Variants in ATG10 observed in about 807,000 individuals in gnomAD.
ATG10 encodes ubiquitin-like-conjugating enzyme ATG10.
ATG10 carries 30 observed loss-of-function variants against 32.1 expected under a neutral mutation model. The ratio of observed to expected loss-of-function variants is 0.94; its 90% CI spans 0.70 to 1.27. The LOEUF (loss-of-function observed/expected upper bound fraction) is 1.27. ATG10 is among the 50% of genes most tolerant of loss of function. The pLI, the probability that ATG10 is intolerant of heterozygous loss-of-function variation, is 0.00. For missense variants in ATG10, 233 were observed against 262.3 expected, an observed-to-expected ratio of 0.89 and a Z score of 0.77; for synonymous variants, 87 against 91.5, an observed-to-expected ratio of 0.95 and a Z score of 0.28.
intron 3 of ATG10, among the ~76,000 whole-genome samples, chr5:82,122,204 G>A (rs1388052116): frequency 6.6e-6 from 1 of 151,854 alleles, no homozygotes; most frequent in Non-Finnish European, 1.5e-5. Flanking sequence ...ATTTCTTCCT[G>A]CGTCAGTGTT....
intron 5 of ATG10, among the ~76,000 whole-genome samples, chr5:82,224,238 C>G (rs556136705): frequency 6.6e-6 from 1 of 152,102 alleles, no homozygotes; most frequent in South Asian, 2.1e-4. Flanking sequence ...GTAGTTTGTG[C>G]CAGCCTGCAG....
intron 1 of ATG10, among the ~76,000 whole-genome samples, chr5:81,983,042 A>C (rs1169517302): frequency 1.3e-5 from 2 of 152,082 alleles, no homozygotes; most frequent in African/African-American, 4.8e-5. Flanking sequence ...CATTGTCATC[A>C]TGGCCCATTC....
chr5:81,996,209 A>G (rs534960866), intron 2 of ATG10, among the ~76,000 whole-genome samples: 18 of 152,104 alleles, frequency 1.2e-4, no homozygotes, highest in African/African-American at 3.9e-4. Flanking sequence ...TTTAGTTCTC[A>G]GTTTCTTTGT....
At chr5:82,032,603 A>T (rs1425652806) in intron 2 of ATG10, among the ~76,000 whole-genome samples, 2 of 152,052 alleles carry the variant, frequency 1.3e-5, no homozygotes, top group African/African-American at 2.4e-5. Context: ...AGAAATATAT[A>T]TGATAAACTG....
chr5:82,012,744 C>T (rs1043840155), intron 2 of ATG10, among the ~76,000 whole-genome samples: 1 of 152,108 alleles, frequency 6.6e-6, no homozygotes, highest in Non-Finnish European at 1.5e-5. Context: ...CAACCTCCAC[C>T]TCCGAGGTTA....
chr5:82,052,353 G>A (rs761260991), intron 2 of ATG10, among the ~76,000 whole-genome samples: 1 of 152,044 alleles, frequency 6.6e-6, no homozygotes, highest in Non-Finnish European at 1.5e-5. Flanking sequence ...AGACCCAAAC[G>A]TGTTCTATCA....
At chr5:82,033,402 A>G (rs1020860646) in intron 2 of ATG10, among the ~76,000 whole-genome samples, 2 of 149,218 alleles carry the variant, frequency 1.3e-5, no homozygotes, top group Non-Finnish European at 3.0e-5. Context: ...CAGTGGCACG[A>G]TCTCGGTTCA....
chr5:81,987,607 C>T lies in ATG10; in HGVS notation c.37C>T (p.Gln13Ter), dbSNP rs909484260. The T allele has an allele frequency of 4.3e-6, 7 of 1,611,940 alleles. No individual in the cohort carries two copies. Among genetic ancestry groups the T allele is most frequent in the Non-Finnish European group, 5.9e-6 (7 of 1,179,230 alleles). The part of the protein sequence containing the change: ...EDEFIGEKTF[Q>*]RYCAEFIKHS... ...TGAGTTCATTGGAGAAAAAACATTC[C>T]AACGTTATTGTGCAGAATTCATTAA... is the stretch of plus-strand genomic sequence containing the variant. The change falls in exon 2 of 8, where the codon CAA becomes TAA. Residue 13 changes from glutamine to a stop codon, truncating the protein, a stop_gained. Transcript: ENST00000282185. LOFTEE classifies it high-confidence loss of function.
At chr5:82,197,463 CCT>C in intron 5 of ATG10, among the ~76,000 whole-genome samples, 1 of 21,496 alleles carries the variant, frequency 4.7e-5, no homozygotes, top group African/African-American at 4.0e-4. Context: ...TGTCTATCTA[CCT>C]ACCTACCTAC....
At chr5:82,016,023 TC>T (rs1327200866) in intron 2 of ATG10, among the ~76,000 whole-genome samples, 1 of 152,222 alleles carries the variant, frequency 6.6e-6, no homozygotes, top group Non-Finnish European at 1.5e-5. Context: ...GAAGATTTTC[TC>T]CCAGTCTGTG....
intron 5 of ATG10, among the ~76,000 whole-genome samples, chr5:82,194,479 G>A (rs940000105): frequency 2.0e-5 from 3 of 152,096 alleles, no homozygotes; most frequent in African/African-American, 7.2e-5. Flanking sequence ...TAAATATTCC[G>A]GATTCAACAG....
At position 82,098,570 on chromosome 5, in the gene ATG10, A is replaced by G. The variant is rs1312569785; in HGVS notation, c.216+39968A>G. ...GTGATTCACCCGCCTCGGGCCTCCC[A>G]AAGTGCTGGGATTACAGGCGTGAGC... On this transcript the variant is annotated intron_variant, in intron 3 of 7. Transcript: ENST00000282185. 3.3e-5 allele frequency among the ~76,000 whole-genome samples: 5 copies of G among 152,238 alleles called. No individual in the cohort carries two copies. The East Asian group carries it at 5.8e-4, about 18-fold the overall frequency.
intron 5 of ATG10, among the ~76,000 whole-genome samples, chr5:82,237,400 T>G (rs1746606103): frequency 6.6e-6 from 1 of 152,094 alleles, no homozygotes; most frequent in Non-Finnish European, 1.5e-5. Context: ...TCTCAGCACT[T>G]TGGGAGGCCA....
chr5:82,200,864 A>ACTAT (rs1554056993), intron 5 of ATG10, among the ~76,000 whole-genome samples: 2 of 143,154 alleles, frequency 1.4e-5, no homozygotes, highest in Non-Finnish European at 3.0e-5. Flanking sequence ...TTAAAAATAC[A>ACTAT]TTATTTATTT....
intron 3 of ATG10, among the ~76,000 whole-genome samples, chr5:82,154,890 A>G (rs922486787): frequency 6.6e-6 from 1 of 152,222 alleles, no homozygotes; most frequent in Admixed American, 6.5e-5. Flanking sequence ...GAGCAAGGGA[A>G]GGAACTCATG....
At chr5:82,053,342 G>A (rs1763486575) in intron 2 of ATG10, among the ~76,000 whole-genome samples, 1 of 151,904 alleles carries the variant, frequency 6.6e-6, no homozygotes, top group African/African-American at 2.4e-5. Flanking sequence ...TTGATTTGGT[G>A]GAACTATTTA....
intron 3 of ATG10, among the ~76,000 whole-genome samples, chr5:82,074,736 G>A (rs1764222204): frequency 6.6e-6 from 1 of 152,140 alleles, no homozygotes. Flanking sequence ...TTGGTTGATT[G>A]CACTTAATTT....
At chr5:82,068,804 A>G (rs1764028955) in intron 3 of ATG10, among the ~76,000 whole-genome samples, 1 of 149,618 alleles carries the variant, frequency 6.7e-6, no homozygotes, top group Non-Finnish European at 1.5e-5. Context: ...TGGGGGTTTC[A>G]AACTTTAGGT....
intron 5 of ATG10, among the ~76,000 whole-genome samples, chr5:82,200,659 C>T (rs1745034031): frequency 6.7e-6 from 1 of 150,294 alleles, no homozygotes; most frequent in African/African-American, 2.4e-5. Context: ...CCATTTTAAA[C>T]ATTGGATTTT....
Sources: gnomAD v4.1 joint callset for allele counts (sites outside exome capture counted in the v4.1 genomes callset) on GRCh38, gnomAD v4.1.1 for gene constraint, MANE v1.5 for transcripts, NCBI Gene and HGNC (gene_info 2026-07-23, HGNC 2026-07-21) for gene names.